Variants in VAPB observed in about 807,000 individuals in gnomAD.
VAPB encodes vesicle-associated membrane protein-associated protein B/C.
VAPB carries 7 observed loss-of-function variants against 25.6 expected under a neutral mutation model. The ratio of observed to expected loss-of-function variants is 0.27; its 90% CI spans 0.16 to 0.51. The LOEUF is 0.51. VAPB is among the 20% of genes least tolerant of loss of function. The pLI is 0.97. For synonymous variants in VAPB, 112 were observed against 109.2 expected, an observed-to-expected ratio of 1.03 and a Z score of -0.16; for missense variants, 266 against 301.3, an observed-to-expected ratio of 0.88 and a Z score of 0.87.
Position 58,434,665 on chromosome 20 carries a change from C to G in VAPB, c.275C>G (p.Ser92Cys). 6.3e-7 allele frequency: 1 copy of G among 1,597,410 alleles called. No homozygotes were observed. The highest frequency in any genetic ancestry group is 8.6e-7 in the Non-Finnish European group (1 of 1,165,346). Residue 92 changes from serine (S) to cysteine (C), a missense_variant, in exon 3 of 6, where the codon TCT becomes TGT. Physicochemically the swap from Ser to Cys is moderately radical, Grantham distance 112. Coordinates refer to ENST00000475243, the MANE Select transcript of VAPB (RefSeq NM_004738.5). ...EKSKHKFMVQ[S>C]MFAPTDTSDM... The stretch of plus-strand genomic sequence containing the variant: ...AGTAAACACAAGTTTATGGTTCAGT[C>G]TATGTTTGCTCCAACTGACACTTCA...
chr20:58,437,922 G>T (rs746883835), intron 3 of VAPB, among the ~76,000 whole-genome samples: 28 of 152,176 alleles, frequency 1.8e-4, no homozygotes, highest in Non-Finnish European at 3.4e-4. Flanking sequence ...AGGGTTGAGG[G>T]CATGGAGGGT....
chr20:58,445,946 TAG>T lies in VAPB; in HGVS notation c.*1713_*1714del, dbSNP rs745774819. 2.2e-6 allele frequency: 1 copy of T among 454,040 alleles called. No individual in the cohort carries two copies. Among genetic ancestry groups the T allele is most frequent in the South Asian group, 1.6e-5 (1 of 64,470 alleles). The allele number at this position is 454,040 out of a possible 1,614,324, so 28.1% of individuals were successfully genotyped here. On this transcript the variant is annotated 3_prime_UTR_variant, in exon 6 of 6. Transcript: ENST00000475243. ...AGTTCATCAGAAGGAAGGCAGTCCT[TAG>T]AAGTCACATACGTTGAGCCACGTTG...
intron 2 of VAPB, among the ~76,000 whole-genome samples, chr20:58,428,527 C>T (rs6026267): frequency 6.6e-6 from 1 of 152,058 alleles, no homozygotes. Flanking sequence ...TGGCAGGCAC[C>T]TATAGTCCTA....
chr20:58,441,950 C>T (rs1281607186), intron 5 of VAPB, among the ~76,000 whole-genome samples: 1 of 152,082 alleles, frequency 6.6e-6, no homozygotes, highest in Non-Finnish European at 1.5e-5. Flanking sequence ...ATCTGAGCTT[C>T]TAGCTTCTGG....
chr20:58,436,605 G>A (rs1989051918), intron 3 of VAPB, among the ~76,000 whole-genome samples: 1 of 152,056 alleles, frequency 6.6e-6, no homozygotes. Flanking sequence ...AGGATTACAG[G>A]CATGAGCCAC....
intron 4 of VAPB, chr20:58,440,669 A>G: frequency 2.3e-6 from 1 of 426,610 alleles, no homozygotes; most frequent in South Asian, 2.2e-5. Flanking sequence ...TCTTTCTTTG[A>G]AGTATTAGTC....
In VAPB at chr20:58,444,813, C is replaced by T. The variant is rs748349721; in HGVS notation, c.*578C>T. 4.2e-5 allele frequency: 19 copies of T among 454,450 alleles called. No individual in the cohort carries two copies. Among genetic ancestry groups the T allele is most frequent in the African/African-American group, 1.2e-4 (6 of 50,002 alleles). 28.2% of individuals were successfully genotyped at this position (454,450 alleles called of 1,614,324 possible). A position where few individuals can be genotyped will look rare whatever the true frequency, so the allele number is the denominator to read the frequency against. ...AGACGTACTCGTCATAAGTGAGAGGCGTGTGTTGACTGATTGACCCAGCGC... is the reference window on the plus strand; with the variant it reads ...AGACGTACTCGTCATAAGTGAGAGGTGTGTGTTGACTGATTGACCCAGCGC... On this transcript the variant is annotated 3_prime_UTR_variant, in exon 6 of 6. Coordinates refer to ENST00000475243, the MANE Select transcript of VAPB (RefSeq NM_004738.5).
At position 58,444,287 on chromosome 20, in the gene VAPB, G is replaced by A. The variant is rs1386844284; in HGVS notation, c.*52G>A. The A allele has an allele frequency of 2.5e-6, 4 of 1,613,328 alleles. No individual in the cohort carries two copies. Among genetic ancestry groups the A allele is most frequent in the Non-Finnish European group, 3.4e-6 (4 of 1,179,520 alleles). On this transcript the variant is annotated 3_prime_UTR_variant, in exon 6 of 6. Transcript: ENST00000475243. The stretch of plus-strand genomic sequence containing the variant: ...GGATTGGTGGATCCACCATATCATG[G>A]GATTTAAATTTATCATAACCATGTG...
chr20:58,398,622 T>A (rs1988020471), intron 1 of VAPB, among the ~76,000 whole-genome samples: 1 of 152,218 alleles, frequency 6.6e-6, no homozygotes, highest in South Asian at 2.1e-4. Flanking sequence ...AAAAGCTGTG[T>A]TAATTCTGCT....
intron 1 of VAPB, among the ~76,000 whole-genome samples, chr20:58,404,017 G>A (rs1010131472): frequency 1.3e-4 from 19 of 151,972 alleles, no homozygotes; most frequent in African/African-American, 2.9e-4. Context: ...GTATTCTATC[G>A]TATCCTAAGT....
chr20:58,406,776 T>G (rs921591751), intron 1 of VAPB, among the ~76,000 whole-genome samples: 1 of 152,228 alleles, frequency 6.6e-6, no homozygotes, highest in Admixed American at 6.5e-5. Context: ...CCCCATGCTA[T>G]TTTATCACTC....
rs572194019 is a variant in VAPB at position 58,428,034 on chromosome 20, C to T, written c.212-6568C>T. Among the ~76,000 whole-genome samples, 7 of 151,698 alleles carry T rather than the reference C, an allele frequency of 4.6e-5. No individual in the cohort carries two copies. The South Asian group carries it at 1.3e-3, about 27-fold the overall frequency. On this transcript the variant is annotated intron_variant, in intron 2 of 5. Coordinates refer to ENST00000475243, the MANE Select transcript of VAPB (RefSeq NM_004738.5). ...TGATCTGTTACCATTATGATGCAGG[C>T]GAAAGTGATCTGTGATTTGCTTGGG... is the stretch of plus-strand genomic sequence containing the variant.
intron 2 of VAPB, 107 bp downstream of exon 2, chr20:58,418,470 C>G (rs1375170845): frequency 5.7e-6 from 8 of 1,399,978 alleles, no homozygotes; most frequent in Middle Eastern, 2.6e-4. Flanking sequence ...TGATAGAATT[C>G]TCTCCACCCC....
At chr20:58,414,543 G>A (rs1230996967) in intron 1 of VAPB, among the ~76,000 whole-genome samples, 3 of 151,940 alleles carry the variant, frequency 2.0e-5, no homozygotes, top group African/African-American at 7.3e-5. Flanking sequence ...TCACCTCCCA[G>A]ACGGGGTCGT....
chr20:58,412,618 A>G (rs1002384601), intron 1 of VAPB, among the ~76,000 whole-genome samples: 6 of 151,076 alleles, frequency 4.0e-5, no homozygotes, highest in African/African-American at 1.5e-4. Flanking sequence ...ACTCCTTAAA[A>G]ACTTCTATCT....
intron 2 of VAPB, among the ~76,000 whole-genome samples, chr20:58,434,131 GGATTA>G (rs1469367957): frequency 6.6e-6 from 1 of 152,166 alleles, no homozygotes; most frequent in Non-Finnish European, 1.5e-5. Flanking sequence ...TGTATTTCAA[GGATTA>G]CCTTGATTAG....
At chr20:58,434,908 C>G (rs1169066360) in intron 3 of VAPB, among the ~76,000 whole-genome samples, 1 of 150,620 alleles carries the variant, frequency 6.6e-6, no homozygotes, top group Non-Finnish European at 1.5e-5. Context: ...TTGTGACTTT[C>G]TAGAAGGCTG....
chr20:58,393,917 A>G (rs1987878444), intron 1 of VAPB, among the ~76,000 whole-genome samples: 1 of 152,166 alleles, frequency 6.6e-6, no homozygotes, highest in South Asian at 2.1e-4. Context: ...CTTTCAATAG[A>G]GACAGGGTTT....
chr20:58,428,720 A>G (rs984509157), intron 2 of VAPB, among the ~76,000 whole-genome samples: 3 of 152,252 alleles, frequency 2.0e-5, no homozygotes, highest in Non-Finnish European at 1.5e-5. Context: ...ATTTGCACAT[A>G]TGGAGCTGAA....
Sources: gnomAD v4.1 joint callset for allele counts (sites outside exome capture counted in the v4.1 genomes callset) on GRCh38, gnomAD v4.1.1 for gene constraint, MANE v1.5 for transcripts, NCBI Gene and HGNC (gene_info 2026-07-23, HGNC 2026-07-21) for gene names.